Variants in ADARB1 observed in about 807,000 individuals in gnomAD.
The protein encoded by ADARB1 is adenosine deaminase RNA specific B1, also known as double-stranded RNA-specific editase 1.
A neutral mutation model predicts 52.4 loss-of-function variants in ADARB1; 10 were observed. The observed-to-expected ratio is 0.19, with a 90% CI of 0.12 to 0.32. The LOEUF (loss-of-function observed/expected upper bound fraction) is 0.32, where lower values mean the gene tolerates loss of function less well. Among genes scored for constraint, ADARB1 ranks in the 10% least tolerant of loss-of-function variants. The pLI, the probability that ADARB1 is intolerant of heterozygous loss-of-function variation, is 1.00. For missense variants in ADARB1, 643 were observed against 922.3 expected (o/e 0.70, Z 3.92); for synonymous variants, 349 against 371.1 (o/e 0.94, Z 0.68).
chr21:45,189,038 T>C (rs967746827), intron 8 of ADARB1, among the ~76,000 whole-genome samples: 7 of 152,190 alleles, frequency 4.6e-5, no homozygotes, highest in Non-Finnish European at 1.0e-4. Flanking sequence ...ATGATACTTA[T>C]TCACTATCAC....
intron 2 of ADARB1, among the ~76,000 whole-genome samples, chr21:45,143,179 C>G (rs925559027): frequency 6.6e-6 from 1 of 152,202 alleles, no homozygotes. Flanking sequence ...CTCTCCTAAC[C>G]TCCTGGCACT....
intron 3 of ADARB1, among the ~76,000 whole-genome samples, chr21:45,173,756 C>T (rs565802710): frequency 3.3e-5 from 5 of 150,470 alleles, no homozygotes; most frequent in East Asian, 1.9e-4. Context: ...CTTTGAGCAC[C>T]GAAAGGAGTA....
chr21:45,143,158 C>T (rs932184370), intron 2 of ADARB1, among the ~76,000 whole-genome samples: 6 of 152,184 alleles, frequency 3.9e-5, no homozygotes, highest in African/African-American at 9.7e-5. Context: ...TTCCTGGCTC[C>T]CTGCTTCTTC....
intron 2 of ADARB1, among the ~76,000 whole-genome samples, chr21:45,151,545 C>G (rs763108988): frequency 1.3e-5 from 2 of 152,088 alleles, no homozygotes; most frequent in African/African-American, 2.4e-5. Flanking sequence ...TGACTCCTCC[C>G]CATAATCGGA....
At chr21:45,135,316 C>T (rs1432104545) in intron 2 of ADARB1, among the ~76,000 whole-genome samples, 4 of 152,252 alleles carry the variant, frequency 2.6e-5, no homozygotes, top group Admixed American at 6.5e-5. Flanking sequence ...CTCCACACTC[C>T]GTGTGCTGAC....
At chr21:45,148,833 T>C (rs553977948) in intron 2 of ADARB1, among the ~76,000 whole-genome samples, 9 of 152,302 alleles carry the variant, frequency 5.9e-5, no homozygotes, top group African/African-American at 1.9e-4. Flanking sequence ...TCATTTCTTC[T>C]CCCCAGCTTC....
rs191380972 is a variant in ADARB1 at position 45,170,747 on chromosome 21, C to T, written c.-47-863C>T. Among the ~76,000 whole-genome samples the T allele has an allele frequency of 8.5e-5, 13 of 152,156 alleles. No homozygotes were observed. In the East Asian group the frequency reaches 2.3e-3, roughly 27 times the overall value. ...TGTGATTATAAAATTTGCAAATCTT[C>T]TTTTTCCTCAATTGCAATTTGATGA... On this transcript the variant is annotated intron_variant, in intron 2 of 10. Coordinates refer to ENST00000348831, the MANE Select transcript of ADARB1 (RefSeq NM_001112.4).
intron 1 of ADARB1, among the ~76,000 whole-genome samples, chr21:45,075,715 A>G (rs1309336374): frequency 6.6e-6 from 1 of 152,138 alleles, no homozygotes; most frequent in African/African-American, 2.4e-5. Context: ...GGAAAACCTA[A>G]CCTAAAACGT....
chr21:45,202,765 G>A (rs550329899), intron 8 of ADARB1, among the ~76,000 whole-genome samples: 3 of 151,240 alleles, frequency 2.0e-5, no homozygotes, highest in Non-Finnish European at 4.4e-5. Context: ...GTGCCACACT[G>A]TGCTGAGCGT....
Position 45,139,930 on chromosome 21 carries a change from A to G in ADARB1, c.-48+11357A>G, listed in dbSNP as rs1304066784. 4.2e-5 allele frequency among the ~76,000 whole-genome samples: 5 copies of G among 119,130 alleles called. No individual in the cohort carries two copies. In the Admixed American group the frequency reaches 5.0e-4, roughly 12 times the overall value. The allele number at this position is 119,130 out of a possible 152,430, so 78.2% of individuals were successfully genotyped here. A position where few individuals can be genotyped will look rare whatever the true frequency, so the allele number is the denominator to read the frequency against. Reference sequence around the variant, plus strand: ...TGAGGTAAAATGTACAGACAATAAAACTCTTTTTTTTTTTTTTTTTTTTTT... The same window carrying G: ...TGAGGTAAAATGTACAGACAATAAAGCTCTTTTTTTTTTTTTTTTTTTTTT... On this transcript the variant is annotated intron_variant, in intron 2 of 10. Transcript: ENST00000348831.
chr21:45,148,582 G>A (rs1026931745), intron 2 of ADARB1, among the ~76,000 whole-genome samples: 2 of 152,184 alleles, frequency 1.3e-5, no homozygotes, highest in Non-Finnish European at 2.9e-5. Context: ...CGCCCACAGG[G>A]GAAGCTTGGA....
intron 2 of ADARB1, among the ~76,000 whole-genome samples, chr21:45,147,810 C>T (rs996165044): frequency 3.9e-5 from 6 of 152,216 alleles, no homozygotes; most frequent in Non-Finnish European, 7.3e-5. Flanking sequence ...CTGGCTCCCA[C>T]GCTGCCCCCG....
intron 1 of ADARB1, among the ~76,000 whole-genome samples, chr21:45,119,283 G>T (rs1157529089): frequency 3.3e-5 from 5 of 152,136 alleles, no homozygotes; most frequent in Admixed American, 1.3e-4. Flanking sequence ...TAGAGGTGGG[G>T]TCTTGCCGTG....
In ADARB1 at chr21:45,224,834, C is replaced by A; in HGVS notation, c.*2637C>A. On this transcript the variant is annotated 3_prime_UTR_variant, in exon 11 of 11. Coordinates refer to ENST00000348831, the MANE Select transcript of ADARB1 (RefSeq NM_001112.4). The stretch of plus-strand genomic sequence containing the variant: ...AAAAAAATAAACAAAATACAGAACG[C>A]TGACTCCTCCGTGAGACAGATCGGG... 1.0e-6 allele frequency: 1 copy of A among 985,744 alleles called. No individual in the cohort carries two copies. Among genetic ancestry groups the A allele is most frequent in the Non-Finnish European group, 1.2e-6 (1 of 829,956 alleles). 61.1% of individuals were successfully genotyped at this position (985,744 alleles called of 1,614,324 possible).
At chr21:45,144,167 T>C (rs2089892368) in intron 2 of ADARB1, among the ~76,000 whole-genome samples, 1 of 152,224 alleles carries the variant, frequency 6.6e-6, no homozygotes, top group African/African-American at 2.4e-5. Flanking sequence ...TGTGTTGATT[T>C]TATGTAAATA....
At position 45,215,784 on chromosome 21, in the gene ADARB1, T is replaced by C. The variant is rs112537232; in HGVS notation, c.1748-5052T>C. 3.2e-3 allele frequency among the ~76,000 whole-genome samples: 480 copies of C among 152,346 alleles called. 1 individual carries two copies. Among genetic ancestry groups the C allele is most frequent in the African/African-American group, 0.011 (456 of 41,580 alleles). On this transcript the variant is annotated intron_variant, in intron 9 of 10. Coordinates refer to ENST00000348831, the MANE Select transcript of ADARB1 (RefSeq NM_001112.4). Reference sequence around the variant, plus strand: ...TCATTTAGAATTTTTGTATTTATATTTGTCTGTAGGGATATTGGGCTATCA... The same window carrying C: ...TCATTTAGAATTTTTGTATTTATATCTGTCTGTAGGGATATTGGGCTATCA...
At chr21:45,106,204 T>TTTTA (rs1555887203) in intron 1 of ADARB1, among the ~76,000 whole-genome samples, 1 of 151,636 alleles carries the variant, frequency 6.6e-6, no homozygotes, top group African/African-American at 2.4e-5. Flanking sequence ...TTTTTTTTTT[T>TTTTA]ATAGGTCCTT....
intron 1 of ADARB1, among the ~76,000 whole-genome samples, chr21:45,125,538 G>C (rs780161488): frequency 6.6e-6 from 1 of 152,264 alleles, no homozygotes; most frequent in Non-Finnish European, 1.5e-5. Context: ...GTGCTGGTCT[G>C]GACCTGGCAG....
intron 1 of ADARB1, among the ~76,000 whole-genome samples, chr21:45,119,002 A>G (rs997818423): frequency 2.0e-5 from 3 of 152,192 alleles, no homozygotes; most frequent in African/African-American, 7.2e-5. Flanking sequence ...CACCACCAAA[A>G]AGTACCTTTT....
Sources: allele counts gnomAD v4.1 joint callset (sites outside exome capture counted in the v4.1 genomes callset), GRCh38; gene constraint gnomAD v4.1.1; transcripts MANE v1.5; gene names NCBI Gene and HGNC (gene_info 2026-07-23, HGNC 2026-07-21).